The following TENM3 variants were observed in gnomAD, a reference collection of about 807,000 sequenced individuals.
The protein encoded by TENM3 is teneurin transmembrane protein 3, also known as teneurin-3.
In TENM3, 63 loss-of-function variants were observed where a neutral mutation model predicts 255.1. The observed-to-expected ratio is 0.25, with a 90% CI of 0.20 to 0.30. The LOEUF is 0.30. Among genes scored for constraint, TENM3 ranks in the 10% least tolerant of loss-of-function variants. The probability of loss-of-function intolerance (pLI) is 1.00; values close to 1 mark genes in which losing one functional copy is unlikely to be tolerated. For missense variants in TENM3, 2,929 were observed against 3,461.1 expected (o/e 0.85, Z 3.86); for synonymous variants, 1,306 against 1,322.3 (o/e 0.99, Z 0.27).
At chr4:182,551,482 A>G (rs1381929980) in intron 3 of TENM3, among the ~76,000 whole-genome samples, 1 of 152,146 alleles carries the variant, frequency 6.6e-6, no homozygotes, top group Non-Finnish European at 1.5e-5. Flanking sequence ...ATGAAGAAAT[A>G]ACTTTTCAAA....
chr4:181,668,351 G>C, the TENM3 span, among the ~76,000 whole-genome samples: 1 of 152,082 alleles, frequency 6.6e-6, no homozygotes, highest in Admixed American at 6.6e-5. Context: ...TCCTGTATTA[G>C]TTTACTACAG....
At chr4:182,759,032 A>G (rs960236425) in intron 22 of TENM3, among the ~76,000 whole-genome samples, 3 of 152,206 alleles carry the variant, frequency 2.0e-5, no homozygotes, top group Non-Finnish European at 2.9e-5. Flanking sequence ...GAATCAATAA[A>G]TTTGCCTACT....
intron 3 of TENM3, among the ~76,000 whole-genome samples, chr4:182,553,224 A>G (rs1246338689): frequency 6.6e-6 from 1 of 152,126 alleles, no homozygotes; most frequent in Non-Finnish European, 1.5e-5. Flanking sequence ...CCTGCAGAGT[A>G]GCTGGGACTA....
At chr4:181,830,259 TTTG>T in the TENM3 span, among the ~76,000 whole-genome samples, 2 of 152,094 alleles carry the variant, frequency 1.3e-5, no homozygotes. Flanking sequence ...TGCTGCTTTT[TTTG>T]TTTTTTTGTT....
chr4:182,793,407 C>T lies in TENM3; in HGVS notation c.6735C>T (p.His2245=). The change falls in exon 26 of 28, where the codon CAC becomes CAT. Residue 2245 remains histidine, a synonymous_variant. Coordinates refer to ENST00000511685, the MANE Select transcript of TENM3 (RefSeq NM_001080477.4). The surrounding 1 kb of genome is among the most constrained non-coding windows in gnomAD (Gnocchi z 5.7). ...CTAGCAAAACCAGTCTAGGACAGCA[C>T]CTGCAGTTTTTTTATGCTGACTTAA... ...RVSSKTSLGQ[H]LQFFYADLTY... 1 of 1,613,940 alleles carries T rather than the reference C, an allele frequency of 6.2e-7. No individual in the cohort carries two copies. Among genetic ancestry groups the T allele is most frequent in the Non-Finnish European group, 8.5e-7 (1 of 1,179,860 alleles).
chr4:182,233,395 C>T (rs749531443), intron 1 of TENM3, among the ~76,000 whole-genome samples: 13 of 152,344 alleles, frequency 8.5e-5, no homozygotes, highest in Non-Finnish European at 1.6e-4. Flanking sequence ...ACCTGACCGA[C>T]GTATGCTACA....
chr4:182,209,528 C>T (rs561584279), intron 1 of TENM3, among the ~76,000 whole-genome samples: 1 of 152,236 alleles, frequency 6.6e-6, no homozygotes, highest in South Asian at 2.1e-4. Flanking sequence ...CTGCTAGGAG[C>T]CCCCTTCGCA....
At chr4:182,647,860 G>T (rs1752892317) in intron 5 of TENM3, among the ~76,000 whole-genome samples, 1 of 152,114 alleles carries the variant, frequency 6.6e-6, no homozygotes, top group African/African-American at 2.4e-5. Flanking sequence ...GCACACAAGG[G>T]TTTCCATTTC....
intron 1 of TENM3, among the ~76,000 whole-genome samples, chr4:182,199,520 C>A (rs1371463475): frequency 6.6e-6 from 1 of 152,058 alleles, no homozygotes; most frequent in Non-Finnish European, 1.5e-5. Flanking sequence ...AGATTAAACT[C>A]GCCCAGATAC....
At chr4:182,303,633 T>TG (rs150418466) in intron 1 of TENM3, among the ~76,000 whole-genome samples, 1,885 of 151,758 alleles carry the variant, frequency 0.012, 32 homozygotes, top group African/African-American at 0.041. Context: ...ATGACCTTGG[T>TG]GGGGGGGGTG....
chr4:181,605,538 G>GAA, the TENM3 span, among the ~76,000 whole-genome samples: 1 of 22,456 alleles, frequency 4.5e-5, no homozygotes, highest in Non-Finnish European at 1.2e-4. Context: ...AAGAAAGAAA[G>GAA]AAAGAAAGAA....
chr4:182,401,205 G>T (rs1007594485), intron 3 of TENM3, among the ~76,000 whole-genome samples: 1 of 152,072 alleles, frequency 6.6e-6, no homozygotes, highest in Non-Finnish European at 1.5e-5. Context: ...GAATGAAAAG[G>T]TCCTTTATAC....
the TENM3 span, among the ~76,000 whole-genome samples, chr4:181,885,446 A>C: frequency 6.6e-6 from 1 of 152,122 alleles, no homozygotes; most frequent in African/African-American, 2.4e-5. Flanking sequence ...TATTTTTAGT[A>C]GAGACAGGGT....
At chr4:182,446,404 T>C (rs930733435) in intron 3 of TENM3, among the ~76,000 whole-genome samples, 3 of 152,256 alleles carry the variant, frequency 2.0e-5, no homozygotes, top group Non-Finnish European at 4.4e-5. Flanking sequence ...CCAATTTACA[T>C]AGCATTCATC....
chr4:181,451,740 A>G, the TENM3 span, among the ~76,000 whole-genome samples: 1 of 152,182 alleles, frequency 6.6e-6, no homozygotes, highest in African/African-American at 2.4e-5. Flanking sequence ...TTTTATGTTC[A>G]GTTTGAAATG....
the TENM3 span, among the ~76,000 whole-genome samples, chr4:181,673,845 G>GGTGTGTGTATGT: frequency 5.0e-4 from 69 of 137,350 alleles, no homozygotes; most frequent in Non-Finnish European, 8.0e-4. Context: ...AGAAGTGTGT[G>GGTGTGTGTATGT]GTGTGTGTGT....
At chr4:182,294,106 C>T (rs1199437081) in intron 1 of TENM3, among the ~76,000 whole-genome samples, 3 of 151,898 alleles carry the variant, frequency 2.0e-5, no homozygotes, top group South Asian at 2.1e-4. Context: ...CTACCATCTG[C>T]GTCTCTGCCT....
intron 2 of TENM3, among the ~76,000 whole-genome samples, chr4:182,327,306 A>C (rs774418528): frequency 2.6e-5 from 4 of 152,134 alleles, no homozygotes; most frequent in Non-Finnish European, 4.4e-5. Flanking sequence ...GAGTCATGCT[A>C]ATTTAGCTTT....
intron 5 of TENM3, among the ~76,000 whole-genome samples, chr4:182,638,750 G>A (rs1265038116): frequency 4.6e-5 from 7 of 152,152 alleles, no homozygotes; most frequent in Non-Finnish European, 8.8e-5. Context: ...TCTGTCCTGG[G>A]ATTGTCTTAT....
Sources: gnomAD v4.1 joint callset for allele counts (sites outside exome capture counted in the v4.1 genomes callset) on GRCh38, gnomAD v4.1.1 for gene constraint, Gnocchi (gnomAD v3.1) non-coding constraint, MANE v1.5 for transcripts, NCBI Gene and HGNC (gene_info 2026-07-23, HGNC 2026-07-21) for gene names.